Variants in USP24 observed in about 807,000 individuals in gnomAD.
The protein encoded by USP24 is ubiquitin specific peptidase 24, also known as ubiquitin carboxyl-terminal hydrolase 24.
Under a neutral mutation model 361.6 loss-of-function variants are expected in USP24, and 97 were observed. That is an observed-to-expected ratio of 0.27 (90% CI 0.23 to 0.32). The LOEUF (loss-of-function observed/expected upper bound fraction) is 0.32. Among genes scored for constraint, USP24 ranks in the 10% least tolerant of loss-of-function variants. The probability of loss-of-function intolerance (pLI) is 1.00; values close to 1 mark genes in which losing one functional copy is unlikely to be tolerated. For missense variants in USP24, 2,353 were observed against 3,165.6 expected, an observed-to-expected ratio of 0.74 and a Z score of 6.16; for synonymous variants, 1,098 against 1,124.6, an observed-to-expected ratio of 0.98 and a Z score of 0.47.
chr1:55,102,781 T>G (rs1356704825), intron 42 of USP24, among the ~76,000 whole-genome samples: 1 of 152,226 alleles, frequency 6.6e-6, no homozygotes, highest in Non-Finnish European at 1.5e-5. Flanking sequence ...ATTTTTGATG[T>G]AAGGAAAAAC....
intron 3 of USP24, among the ~76,000 whole-genome samples, chr1:55,176,001 A>G (rs753921060): frequency 2.0e-5 from 3 of 152,188 alleles, no homozygotes; most frequent in Non-Finnish European, 4.4e-5. Flanking sequence ...TGATAAGTGT[A>G]TACTGTCTTT....
At chr1:55,076,664 C>G (rs1440194103) in intron 62 of USP24, among the ~76,000 whole-genome samples, 1 of 152,188 alleles carries the variant, frequency 6.6e-6, no homozygotes, top group African/African-American at 2.4e-5. Context: ...AAATGGTCTT[C>G]TAGTTCCCAA....
rs763920630 is a variant in USP24, at chr1:55,089,686, A to G, written c.6609T>C (p.Phe2203=). ...ATTCAACTAACCACTGACAAGCATC[A>G]AAACTTTTTGAAAGCAATGCTTCAA... ...ATIEALLSKS[F]DACQWLVEYF... is the part of the protein sequence containing the mutation. Residue 2203 remains phenylalanine, a synonymous_variant, in exon 55 of 68, where the codon TTT becomes TTC. Coordinates refer to ENST00000294383, the MANE Select transcript of USP24 (RefSeq NM_015306.3). 4.4e-6 allele frequency: 7 copies of G among 1,605,666 alleles called. No individual in the cohort carries two copies. The highest frequency in any genetic ancestry group is 6.0e-6 in the Non-Finnish European group (7 of 1,175,496).
chr1:55,069,999 T>C (rs1467622615), intron 67 of USP24, among the ~76,000 whole-genome samples: 2 of 151,490 alleles, frequency 1.3e-5, no homozygotes, highest in Non-Finnish European at 2.9e-5. Context: ...TGAAAGGTTT[T>C]AGTGCATGAA....
intron 42 of USP24, 87 bp from the exon 43 acceptor site, chr1:55,101,790 A>G: frequency 1.4e-6 from 2 of 1,416,880 alleles, no homozygotes; most frequent in South Asian, 3.1e-5. Context: ...TGCGGGAGAT[A>G]TATTCACAGA....
Position 55,176,393 on chromosome 1 carries a change from G to A in USP24, c.541C>T (p.Pro181Ser). Residue 181 changes from proline to serine, a missense_variant, in exon 3 of 68, where the codon CCT becomes TCT. Physicochemically the swap from Pro to Ser is moderately conservative, Grantham distance 74. This residue lies in a region of USP24 where 253 missense variants were observed against 255.3 expected (regional missense o/e 0.99). Coordinates refer to ENST00000294383, the MANE Select transcript of USP24 (RefSeq NM_015306.3). ...NCRRFMDRCM[P>S]EAFKKLLTSS... ...TTTCTTACCTTTTTAAATGCTTCAGGCATACACCTGTCCATAAACCTTCTA... is the reference window on the plus strand; with the variant it reads ...TTTCTTACCTTTTTAAATGCTTCAGACATACACCTGTCCATAAACCTTCTA... The A allele has an allele frequency of 6.4e-7, 1 of 1,570,990 alleles. No individual in the cohort carries two copies. The highest frequency in any genetic ancestry group is 8.6e-7 in the Non-Finnish European group (1 of 1,156,222).
chr1:55,074,548 C>T (rs1644984880), intron 63 of USP24, among the ~76,000 whole-genome samples: 1 of 151,930 alleles, frequency 6.6e-6, no homozygotes, highest in South Asian at 2.1e-4. Context: ...GTGGGAGGAT[C>T]ACTTGAGCTT....
Position 55,072,179 on chromosome 1 carries a change from T to C in USP24, c.7689+138A>G, listed in dbSNP as rs1644935185. ...TGTACACCAATCTGTTTTCTTTTCA[T>C]AGAAATCCAATTGTTTCTTCTGCTT... On this transcript the variant is annotated intron_variant, in intron 66 of 67. Coordinates refer to ENST00000294383, the MANE Select transcript of USP24 (RefSeq NM_015306.3). 4 of 752,592 alleles carry C rather than the reference T, an allele frequency of 5.3e-6. No individual in the cohort carries two copies. In the South Asian group the frequency reaches 5.5e-5, roughly 10 times the overall value. The allele number at this position is 752,592 out of a possible 1,614,324, so 46.6% of individuals were successfully genotyped here.
At chr1:55,189,621 T>C (rs1644233400) in intron 1 of USP24, among the ~76,000 whole-genome samples, 1 of 152,168 alleles carries the variant, frequency 6.6e-6, no homozygotes, top group African/African-American at 2.4e-5. Context: ...ATGAAAATAT[T>C]CTCAAAATAA....
chr1:55,160,547 G>A (rs1648168527), intron 8 of USP24, among the ~76,000 whole-genome samples: 1 of 152,202 alleles, frequency 6.6e-6, no homozygotes, highest in Non-Finnish European at 1.5e-5. Context: ...CAAGTAGCAA[G>A]TAGTAGAGAC....
chr1:55,144,039 T>C (rs1646962984), intron 21 of USP24, 88 bp downstream of exon 21: 1 of 1,102,246 alleles, frequency 9.1e-7, no homozygotes, highest in African/African-American at 1.6e-5. Context: ...ATCCATGTTA[T>C]CTCTCAATTA....
In USP24 at chr1:55,189,014, T is replaced by C. The variant is rs188591411; in HGVS notation, c.325-10882A>G. On this transcript the variant is annotated intron_variant, in intron 1 of 67. Coordinates refer to ENST00000294383, the MANE Select transcript of USP24 (RefSeq NM_015306.3). Reference sequence around the variant, plus strand: ...AAAAAAAGACAGGAAATAACAAGTATTGGTGAGAATGTGAAGCAATTGGAA... The same window carrying C: ...AAAAAAAGACAGGAAATAACAAGTACTGGTGAGAATGTGAAGCAATTGGAA... Among the ~76,000 whole-genome samples the C allele has an allele frequency of 3.3e-3, 460 of 138,032 alleles. 6 individuals are homozygous for C. The highest frequency in any genetic ancestry group is 0.026 in the Middle Eastern group (6 of 232). The allele number at this position is 138,032 out of a possible 152,430, so 90.6% of individuals were successfully genotyped here.
Position 55,109,027 on chromosome 1 carries a change from C to T in USP24, c.4570+1158G>A, listed in dbSNP as rs572264840. Among the ~76,000 whole-genome samples the T allele has an allele frequency of 6.6e-5, 10 of 152,332 alleles. No homozygotes were observed. The East Asian group carries it at 7.7e-4, about 12-fold the overall frequency. On this transcript the variant is annotated intron_variant, in intron 39 of 67. Transcript: ENST00000294383. ...TTTTGGAGACTCTGTCTCGCTCTGT[C>T]GCCCAGGCTGGAGTGCAGTGATGCA...
At chr1:55,151,869 C>T in intron 16 of USP24, 1 of 982,202 alleles carries the variant, frequency 1.0e-6, no homozygotes, top group Non-Finnish European at 1.2e-6. Flanking sequence ...ATAGAGGTAG[C>T]TGAGGGTGGG....
rs777987859 is a variant in USP24 at position 55,137,548 on chromosome 1, A to ACTG, written c.3165_3167dup (p.Ser1056dup). ...TGGCATATGAAGAACTAAAAACCCC[A>ACTG]CTGCTGCTGCTGCTGGAGCTGGTTG... On this transcript the variant is annotated inframe_insertion, in exon 28 of 68. Coordinates refer to ENST00000294383, the MANE Select transcript of USP24 (RefSeq NM_015306.3). 2.0e-5 allele frequency: 32 copies of ACTG among 1,612,982 alleles called. No individual in the cohort carries two copies. In the East Asian group the frequency reaches 6.0e-4, roughly 30 times the overall value.
chr1:55,083,323 A>G lies in USP24; in HGVS notation c.6924T>C (p.Ala2308=), dbSNP rs1393418725. 1.2e-6 allele frequency: 2 copies of G among 1,613,678 alleles called. No individual in the cohort carries two copies. The highest frequency in any genetic ancestry group is 1.7e-5 in the Admixed American group (1 of 59,984). ...RAGDLLLRHS[A]LRHMISFLLG... Reference sequence around the variant, plus strand: ...GGAGGAAGCTGATCATGTGCCGCAGAGCTGAATGCCTCAGAAGAAGATCTC... The same window carrying G: ...GGAGGAAGCTGATCATGTGCCGCAGGGCTGAATGCCTCAGAAGAAGATCTC... Residue 2308 remains alanine (A), a synonymous_variant, in exon 58 of 68, where the codon GCT becomes GCC. Coordinates refer to ENST00000294383, the MANE Select transcript of USP24 (RefSeq NM_015306.3).
At chr1:55,120,528 G>A (rs1430936628) in intron 38 of USP24, 68 bp downstream of exon 38, 13 of 1,447,514 alleles carry the variant, frequency 9.0e-6, no homozygotes, top group South Asian at 1.5e-5. Flanking sequence ...GACTTCAGGG[G>A]AGCAGCACAC....
chr1:55,215,222 C>A lies in USP24; in HGVS notation c.-109G>T. The A allele has an allele frequency of 1.1e-6, 1 of 897,664 alleles. No homozygotes were observed. Among genetic ancestry groups the A allele is most frequent in the Non-Finnish European group, 1.4e-6 (1 of 696,626 alleles). 55.6% of individuals were successfully genotyped at this position (897,664 alleles called of 1,614,324 possible). On this transcript the variant is annotated 5_prime_UTR_variant, in exon 1 of 68. Coordinates refer to ENST00000294383, the MANE Select transcript of USP24 (RefSeq NM_015306.3). ...CGCCGCCTCCGCGCCCAGGTTGGCC[C>A]CTGCGTTCCTGCCCCGGGTGCTCCG...
In USP24 at chr1:55,141,670, A is replaced by G. The variant is rs1646893080; in HGVS notation, c.2696T>C (p.Met899Thr). 5.0e-6 allele frequency: 8 copies of G among 1,612,410 alleles called. No homozygotes were observed. The highest frequency in any genetic ancestry group is 6.8e-6 in the Non-Finnish European group (8 of 1,179,222). The change falls in exon 24 of 68, where the codon ATG (methionine) becomes ACG (threonine). Residue 899 changes from methionine (M) to threonine (T), a missense_variant. This residue lies in a region of USP24 where 949 missense variants were observed against 1,280.5 expected (regional missense o/e 0.74). Transcript: ENST00000294383. Reference protein sequence around the residue: ...LTHAVTRATKMLTATAMPTVA... With the variant: ...LTHAVTRATKTLTATAMPTVA... The stretch of plus-strand genomic sequence containing the variant: ...AGTTGGCATGGCAGTTGCTGTAAGC[A>G]TTTTTGTTGCTCTGGTCACAGCATG...
Sources: allele counts gnomAD v4.1 joint callset (sites outside exome capture counted in the v4.1 genomes callset), GRCh38; gene constraint gnomAD v4.1.1; regional missense constraint gnomAD v4.1.1; transcripts MANE v1.5; gene names NCBI Gene and HGNC (gene_info 2026-07-23, HGNC 2026-07-21).